PLCG2: variants seen among roughly 807,000 people sequenced by gnomAD.
PLCG2 encodes phospholipase C gamma 2.
A neutral mutation model predicts 175.6 loss-of-function variants in PLCG2; 69 were observed. The ratio of observed to expected loss-of-function variants is 0.39; its 90% CI spans 0.32 to 0.48. The LOEUF is 0.48. Among genes scored for constraint, PLCG2 ranks in the 20% least tolerant of loss-of-function variants. The pLI, the probability that PLCG2 is intolerant of heterozygous loss-of-function variation, is 0.91. For missense variants in PLCG2, 1,798 were observed against 1,650.9 expected (o/e 1.09, Z -1.54); for synonymous variants, 827 against 624.0 (o/e 1.33, Z -4.85).
intron 10 of PLCG2, among the ~76,000 whole-genome samples, chr16:81,890,647 C>T (rs1436658214): frequency 6.6e-6 from 1 of 152,078 alleles, no homozygotes; most frequent in Non-Finnish European, 1.5e-5. Flanking sequence ...TTTGACCTTG[C>T]ATAGGGAAGG....
At chr16:81,817,617 A>C (rs1352979266) in intron 2 of PLCG2, among the ~76,000 whole-genome samples, 1 of 152,190 alleles carries the variant, frequency 6.6e-6, no homozygotes, top group African/African-American at 2.4e-5. Context: ...AGAACATCAG[A>C]GGGTACCTTG....
intron 31 of PLCG2, among the ~76,000 whole-genome samples, chr16:81,955,819 A>G (rs983158293): frequency 2.6e-5 from 4 of 152,198 alleles, no homozygotes; most frequent in Admixed American, 6.5e-5. Context: ...AGTAGAAATC[A>G]TTACTGGCTA....
intron 2 of PLCG2, among the ~76,000 whole-genome samples, chr16:81,802,586 AGACTGAGTGGAGTTTCACTCTT>A (rs2143253017): frequency 6.6e-6 from 1 of 151,486 alleles, no homozygotes; most frequent in African/African-American, 2.4e-5. Flanking sequence ...TTTTGTTTTG[AGACTGAGTGGAGTTTCACTCTT>A]GTCGCCGGGC....
chr16:81,940,843 C>G (rs1910911545), intron 30 of PLCG2, among the ~76,000 whole-genome samples: 3 of 152,182 alleles, frequency 2.0e-5, no homozygotes, highest in Admixed American at 2.0e-4. Flanking sequence ...CCCACTGGAT[C>G]TTTCCCACTG....
chr16:81,830,230 A>C (rs888939980), intron 2 of PLCG2, among the ~76,000 whole-genome samples: 1 of 152,106 alleles, frequency 6.6e-6, no homozygotes, highest in African/African-American at 2.4e-5. Context: ...TGAGGTGGGA[A>C]GATCACCTAA....
At chr16:81,859,524 A>C (rs1227062722) in intron 5 of PLCG2, among the ~76,000 whole-genome samples, 2 of 151,662 alleles carry the variant, frequency 1.3e-5, no homozygotes, top group Non-Finnish European at 1.5e-5. Flanking sequence ...ACCGTGAAGA[A>C]GTAAACCAGG....
chr16:81,793,483 G>A (rs2143209685), intron 2 of PLCG2, among the ~76,000 whole-genome samples: 1 of 152,260 alleles, frequency 6.6e-6, no homozygotes. Context: ...TGTGGTGATG[G>A]GCCCTTTTGA....
intron 2 of PLCG2, among the ~76,000 whole-genome samples, chr16:81,798,072 C>G (rs749381577): frequency 2.0e-5 from 3 of 152,122 alleles, no homozygotes; most frequent in Non-Finnish European, 4.4e-5. Context: ...CTCAAGTGAT[C>G]TGCCTGCATT....
intron 2 of PLCG2, among the ~76,000 whole-genome samples, chr16:81,771,174 C>T (rs938662947): frequency 2.0e-5 from 3 of 152,184 alleles, no homozygotes; most frequent in East Asian, 1.9e-4. Flanking sequence ...TAGAACATCG[C>T]AGCCCTCAAG....
chr16:81,896,189 AC>A (rs915087760), intron 13 of PLCG2, among the ~76,000 whole-genome samples: 4 of 151,768 alleles, frequency 2.6e-5, no homozygotes, highest in Non-Finnish European at 5.9e-5. Context: ...CTCAGTGCCC[AC>A]CCCACCTCCT....
Position 81,912,654 on chromosome 16 carries a change from C to A in PLCG2, c.1992C>A (p.Pro664=). ...CAGAGGACATGCTGATGAGGATTCC[C>A]CGGGACGGGGCCTTCCTGATCCGGA... The part of the protein sequence containing the change: ...GEAEDMLMRI[P]RDGAFLIRKR... The change falls in exon 19 of 33, where the codon CCC becomes CCA. Residue 664 remains proline (P), a synonymous_variant. Coordinates refer to ENST00000564138, the MANE Select transcript of PLCG2 (RefSeq NM_002661.5). 1 of 1,613,138 alleles carries A rather than the reference C, an allele frequency of 6.2e-7. No homozygotes were observed.
At chr16:81,882,566 A>G (rs1908137267) in intron 8 of PLCG2, among the ~76,000 whole-genome samples, 1 of 151,774 alleles carries the variant, frequency 6.6e-6, no homozygotes, top group African/African-American at 2.4e-5. Context: ...GGATAGGCAC[A>G]CTCACATCCC....
intron 2 of PLCG2, among the ~76,000 whole-genome samples, chr16:81,820,450 T>A (rs1314950687): frequency 6.6e-6 from 1 of 152,258 alleles, no homozygotes; most frequent in East Asian, 1.9e-4. Context: ...CGACTTCTTT[T>A]GTGTGATGTT....
chr16:81,909,682 A>C (rs1000781012), intron 17 of PLCG2, among the ~76,000 whole-genome samples: 1 of 152,196 alleles, frequency 6.6e-6, no homozygotes, highest in Non-Finnish European at 1.5e-5. Flanking sequence ...CTGAAGTGCT[A>C]GGATTACAGC....
chr16:81,876,127 A>C (rs141729703), intron 7 of PLCG2, among the ~76,000 whole-genome samples: 12 of 148,192 alleles, frequency 8.1e-5, no homozygotes, highest in Middle Eastern at 3.5e-3. Context: ...CCTGGCTCAG[A>C]TGATTCTCCC....
chr16:81,782,223 GAGC>G (rs1910768580), intron 1 of PLCG2, among the ~76,000 whole-genome samples: 3 of 83,652 alleles, frequency 3.6e-5, no homozygotes, highest in Admixed American at 1.4e-4. Context: ...GAACATGAAT[GAGC>G]TTATGAGATA....
At chr16:81,930,397 T>C (rs2143710290) in intron 24 of PLCG2, among the ~76,000 whole-genome samples, 1 of 152,302 alleles carries the variant, frequency 6.6e-6, no homozygotes, top group East Asian at 1.9e-4. Context: ...ATGGCTGCAT[T>C]CTTCAGTCTC....
chr16:81,915,774 C>T (rs1235871340), intron 19 of PLCG2, among the ~76,000 whole-genome samples: 2 of 150,958 alleles, frequency 1.3e-5, no homozygotes, highest in African/African-American at 2.5e-5. Flanking sequence ...CTCTGTACCT[C>T]GGCACCCCAG....
chr16:81,779,593 G>C (rs1299303055), intron 1 of PLCG2, among the ~76,000 whole-genome samples, 169 bp downstream of exon 1: 2 of 152,014 alleles, frequency 1.3e-5, no homozygotes, highest in African/African-American at 4.8e-5. Context: ...CCCGGGGTCC[G>C]TTTGGTGACG....
Sources: allele counts gnomAD v4.1 joint callset (sites outside exome capture counted in the v4.1 genomes callset), GRCh38; gene constraint gnomAD v4.1.1; transcripts MANE v1.5; gene names NCBI Gene and HGNC (gene_info 2026-07-23, HGNC 2026-07-21).